The following OSBPL1A variants were observed in gnomAD, a reference collection of about 807,000 sequenced individuals.
The protein encoded by OSBPL1A is oxysterol-binding protein-related protein 1.
Under a neutral mutation model 137.1 loss-of-function variants are expected in OSBPL1A, and 80 were observed. That is an observed-to-expected ratio of 0.58 (90% CI 0.49 to 0.70). The LOEUF is 0.70. OSBPL1A is among the 30% of genes least tolerant of loss of function. OSBPL1A has a pLI of 0.00. For synonymous variants in OSBPL1A, 365 were observed against 389.7 expected (o/e 0.94, Z 0.75); for missense variants, 970 against 1,129.4 (o/e 0.86, Z 2.02).
rs144183083 is a variant in OSBPL1A at position 24,326,783 on chromosome 18, C to CT, written c.625+6158_625+6159insA. Reference sequence around the variant, plus strand: ...TTTGCTTATATTCTTGAGGTAGTATCATTACTTAAAACTTTTTAAAAAATA... The same window carrying CT: ...TTTGCTTATATTCTTGAGGTAGTATCTATTACTTAAAACTTTTTAAAAAATA... On this transcript the variant is annotated intron_variant, in intron 7 of 27. Transcript: ENST00000319481. 8.9e-3 allele frequency among the ~76,000 whole-genome samples: 1,359 copies of CT among 152,266 alleles called. 20 individuals are homozygous for CT. The highest frequency in any genetic ancestry group is 0.031 in the African/African-American group (1,295 of 41,552).
intron 18 of OSBPL1A, among the ~76,000 whole-genome samples, chr18:24,194,170 AC>A (rs1164169091): frequency 6.6e-6 from 1 of 152,216 alleles, no homozygotes; most frequent in Non-Finnish European, 1.5e-5. Flanking sequence ...GGCCAAAAAG[AC>A]TAAACCATAT....
At chr18:24,250,306 A>G (rs1005397974) in intron 15 of OSBPL1A, among the ~76,000 whole-genome samples, 1 of 152,028 alleles carries the variant, frequency 6.6e-6, no homozygotes, top group African/African-American at 2.4e-5. Context: ...CCTCCCGAGT[A>G]GCTGGAATTA....
chr18:24,183,496 G>A (rs920231754), intron 18 of OSBPL1A, among the ~76,000 whole-genome samples: 8 of 150,462 alleles, frequency 5.3e-5, no homozygotes, highest in Non-Finnish European at 8.9e-5. Context: ...GCAAAGGCGC[G>A]ATCTCGGCTC....
At chr18:24,355,473 C>T (rs545799093) in intron 4 of OSBPL1A, among the ~76,000 whole-genome samples, 45 of 151,836 alleles carry the variant, frequency 3.0e-4, no homozygotes, top group South Asian at 2.9e-3. Flanking sequence ...TGCACTCCAG[C>T]GCGGGCAACA....
intron 1 of OSBPL1A, among the ~76,000 whole-genome samples, chr18:24,382,568 G>A (rs1005445989): frequency 5.9e-5 from 9 of 151,472 alleles, no homozygotes; most frequent in Admixed American, 1.3e-4. Context: ...CAGAGACTCC[G>A]TCTCAAAAAA....
chr18:24,237,008 G>A (rs1174385806), intron 16 of OSBPL1A, among the ~76,000 whole-genome samples: 1 of 152,072 alleles, frequency 6.6e-6, no homozygotes, highest in Non-Finnish European at 1.5e-5. Flanking sequence ...TTATAACACT[G>A]ACAGTAAAGA....
intron 15 of OSBPL1A, among the ~76,000 whole-genome samples, chr18:24,245,738 G>C (rs1453618044): frequency 6.6e-6 from 1 of 152,140 alleles, no homozygotes; most frequent in African/African-American, 2.4e-5. Context: ...CTCTTGCTTT[G>C]TTTTATAGAT....
At chr18:24,208,297 A>G (rs1471323369) in intron 17 of OSBPL1A, among the ~76,000 whole-genome samples, 2 of 152,242 alleles carry the variant, frequency 1.3e-5, no homozygotes, top group Non-Finnish European at 2.9e-5. Flanking sequence ...CTTGAAAAAA[A>G]TCTTTACATA....
intron 15 of OSBPL1A, 63 bp downstream of exon 15, chr18:24,280,779 A>G (rs1475810724): frequency 2.3e-5 from 27 of 1,155,354 alleles, no homozygotes; most frequent in Non-Finnish European, 3.1e-5. Context: ...CAATGACTTC[A>G]TGGACAACCA....
intron 4 of OSBPL1A, among the ~76,000 whole-genome samples, chr18:24,352,255 T>C (rs1322474290): frequency 6.6e-6 from 1 of 152,084 alleles, no homozygotes; most frequent in Non-Finnish European, 1.5e-5. Flanking sequence ...GGAACAGTGA[T>C]TGTGCCACCG....
intron 17 of OSBPL1A, among the ~76,000 whole-genome samples, chr18:24,215,982 G>A (rs370887042): frequency 1.8e-4 from 28 of 152,276 alleles, no homozygotes; most frequent in East Asian, 3.9e-4. Flanking sequence ...GGGATTATAA[G>A]TGTTTGTAAA....
At chr18:24,207,676 G>A (rs560889960) in intron 17 of OSBPL1A, among the ~76,000 whole-genome samples, 3 of 152,182 alleles carry the variant, frequency 2.0e-5, no homozygotes, top group Non-Finnish European at 4.4e-5. Flanking sequence ...ACTGTTATAC[G>A]TGTGTTTTGC....
chr18:24,303,126 G>A (rs1018023509), intron 14 of OSBPL1A, among the ~76,000 whole-genome samples: 3 of 151,920 alleles, frequency 2.0e-5, no homozygotes, highest in Non-Finnish European at 2.9e-5. Context: ...TCAGCCTCCC[G>A]AGTAGCTGGG....
In OSBPL1A at chr18:24,225,026, T is replaced by A. The variant is rs1254459354; in HGVS notation, c.1601+16A>T. 4.3e-6 allele frequency: 7 copies of A among 1,613,900 alleles called. No homozygotes were observed. The South Asian group carries it at 7.7e-5, about 18-fold the overall frequency. ...CGTAAAAACGCAGCAGTGACAACTG[T>A]CAGAGGCGATCCTACCTGTGTTTCT... is the stretch of plus-strand genomic sequence containing the variant. On this transcript the variant is annotated intron_variant, in intron 17 of 27. Coordinates refer to ENST00000319481, the MANE Select transcript of OSBPL1A (RefSeq NM_080597.4).
At chr18:24,384,872 C>T (rs529628543) in intron 1 of OSBPL1A, among the ~76,000 whole-genome samples, 5 of 137,110 alleles carry the variant, frequency 3.6e-5, no homozygotes, top group East Asian at 2.1e-4. Flanking sequence ...GAAACTGTCT[C>T]GGAAAAAAAA....
intron 15 of OSBPL1A, among the ~76,000 whole-genome samples, chr18:24,268,834 T>C (rs1198375212): frequency 2.6e-5 from 4 of 152,240 alleles, no homozygotes; most frequent in Non-Finnish European, 5.9e-5. Context: ...CATGTTGACG[T>C]AGGTGACTCC....
chr18:24,217,898 AG>A (rs1360362407), intron 17 of OSBPL1A, among the ~76,000 whole-genome samples: 3 of 152,090 alleles, frequency 2.0e-5, no homozygotes, highest in African/African-American at 7.2e-5. Context: ...ATCAGTCCAC[AG>A]GAAATTCAGG....
At chr18:24,386,276 CACGTT>C (rs1906958993) in intron 1 of OSBPL1A, among the ~76,000 whole-genome samples, 1 of 152,158 alleles carries the variant, frequency 6.6e-6, no homozygotes, top group Non-Finnish European at 1.5e-5. Flanking sequence ...ATCAACAACT[CACGTT>C]GCCTTGTGCC....
chr18:24,319,636 T>C (rs2090804562), intron 7 of OSBPL1A, among the ~76,000 whole-genome samples: 1 of 152,142 alleles, frequency 6.6e-6, no homozygotes, highest in South Asian at 2.1e-4. Context: ...AAGTTATTTA[T>C]AGAGTTCTGA....
Sources: gnomAD v4.1 joint callset for allele counts (sites outside exome capture counted in the v4.1 genomes callset) on GRCh38, gnomAD v4.1.1 for gene constraint, MANE v1.5 for transcripts, NCBI Gene and HGNC (gene_info 2026-07-23, HGNC 2026-07-21) for gene names.